Variants in ATRNL1 observed in about 807,000 individuals in gnomAD.
ATRNL1 encodes attractin-like protein 1.
In ATRNL1, 95 loss-of-function variants were observed where a neutral mutation model predicts 182.7. The ratio of observed to expected loss-of-function variants is 0.52; its 90% CI spans 0.44 to 0.62. The LOEUF is 0.62. Ranked by LOEUF, ATRNL1 falls within the 20% of genes least tolerant of loss-of-function variation. The pLI is 0.00. For synonymous variants in ATRNL1, 576 were observed against 568.3 expected (o/e 1.01, Z -0.19); for missense variants, 1,471 against 1,679.5 (o/e 0.88, Z 2.17).
chr10:115,202,782 G>C (rs1848637312), intron 8 of ATRNL1, among the ~76,000 whole-genome samples: 1 of 146,576 alleles, frequency 6.8e-6, no homozygotes, highest in Admixed American at 6.9e-5. Flanking sequence ...TTTTTCTATT[G>C]ATTGGAATAG....
chr10:115,840,171 A>C (rs1253273097), intron 27 of ATRNL1, among the ~76,000 whole-genome samples: 3 of 152,178 alleles, frequency 2.0e-5, no homozygotes, highest in Non-Finnish European at 4.4e-5. Flanking sequence ...AAGAACAGGC[A>C]GGCTTTCCGG....
chr10:115,217,579 G>A (rs1322254576), intron 9 of ATRNL1, among the ~76,000 whole-genome samples: 1 of 152,126 alleles, frequency 6.6e-6, no homozygotes, highest in Non-Finnish European at 1.5e-5. Flanking sequence ...AGATTCAGTT[G>A]TTGCTCACTA....
intron 18 of ATRNL1, among the ~76,000 whole-genome samples, chr10:115,334,030 T>G (rs138794069): frequency 2.7e-4 from 41 of 152,318 alleles, no homozygotes; most frequent in African/African-American, 8.7e-4. Context: ...AGCTATAACT[T>G]TTATGTTCCA....
intron 17 of ATRNL1, among the ~76,000 whole-genome samples, chr10:115,309,423 A>G (rs1853905506): frequency 1.3e-5 from 2 of 151,972 alleles, no homozygotes; most frequent in African/African-American, 4.8e-5. Flanking sequence ...ATGTGTTTCC[A>G]TTTGTTTTTG....
At chr10:115,353,411 A>G (rs1294960945) in intron 19 of ATRNL1, among the ~76,000 whole-genome samples, 2 of 152,036 alleles carry the variant, frequency 1.3e-5, no homozygotes, top group African/African-American at 4.8e-5. Flanking sequence ...TTCCATTTGC[A>G]TGGAATATTT....
At chr10:115,906,454 T>A (rs1190795427) in intron 28 of ATRNL1, among the ~76,000 whole-genome samples, 2 of 152,136 alleles carry the variant, frequency 1.3e-5, no homozygotes, top group Non-Finnish European at 2.9e-5. Context: ...TAAAAGGCCC[T>A]GGCACAGAGC....
chr10:115,928,298 G>A (rs1678725888), intron 28 of ATRNL1, among the ~76,000 whole-genome samples: 1 of 151,972 alleles, frequency 6.6e-6, no homozygotes, highest in Admixed American at 6.6e-5. Flanking sequence ...GCAAATTAAA[G>A]CTGTGCAAAC....
intron 21 of ATRNL1, among the ~76,000 whole-genome samples, chr10:115,432,817 GT>G (rs782284292): frequency 7.2e-4 from 109 of 151,124 alleles, no homozygotes; most frequent in East Asian, 2.9e-3. Flanking sequence ...AAGTAGTATA[GT>G]TTTTTTTTCT....
At chr10:115,348,456 G>A (rs1363993681) in intron 19 of ATRNL1, among the ~76,000 whole-genome samples, 1 of 152,010 alleles carries the variant, frequency 6.6e-6, no homozygotes, top group Non-Finnish European at 1.5e-5. Flanking sequence ...ACATCAATAA[G>A]TTTAGTATTT....
At chr10:115,503,680 T>A (rs1476936500) in intron 24 of ATRNL1, among the ~76,000 whole-genome samples, 1 of 147,242 alleles carries the variant, frequency 6.8e-6, no homozygotes, top group Non-Finnish European at 1.5e-5. Flanking sequence ...AACTTTATTA[T>A]GTAAAAGTTT....
intron 26 of ATRNL1, among the ~76,000 whole-genome samples, chr10:115,672,967 G>A (rs74158240): frequency 0.012 from 1,836 of 152,094 alleles, 37 homozygotes; most frequent in African/African-American, 0.042. Context: ...GCCAAATCCT[G>A]CCACACCTCC....
At chr10:115,125,041 A>G (rs1388662807) in intron 3 of ATRNL1, among the ~76,000 whole-genome samples, 2 of 152,208 alleles carry the variant, frequency 1.3e-5, no homozygotes, top group Non-Finnish European at 2.9e-5. Flanking sequence ...AGAGAAAAGC[A>G]TATATACAAA....
At chr10:115,166,541 C>G (rs1033879564) in intron 7 of ATRNL1, among the ~76,000 whole-genome samples, 1 of 151,834 alleles carries the variant, frequency 6.6e-6, no homozygotes, top group Non-Finnish European at 1.5e-5. Context: ...CACAAGGGTT[C>G]CAGTTTGTCC....
intron 18 of ATRNL1, among the ~76,000 whole-genome samples, chr10:115,318,517 C>G (rs941875668): frequency 6.6e-6 from 1 of 152,054 alleles, no homozygotes; most frequent in Non-Finnish European, 1.5e-5. Context: ...CTGTCTGGTC[C>G]TGGGCTTTTT....
At chr10:115,780,516 C>T (rs1249210825) in intron 27 of ATRNL1, among the ~76,000 whole-genome samples, 1 of 152,096 alleles carries the variant, frequency 6.6e-6, no homozygotes, top group Non-Finnish European at 1.5e-5. Context: ...TCCCCAAACC[C>T]CAGGCTGAAG....
chr10:115,920,354 A>G (rs1589696117), intron 28 of ATRNL1, among the ~76,000 whole-genome samples: 1 of 152,294 alleles, frequency 6.6e-6, no homozygotes, highest in East Asian at 1.9e-4. Context: ...CTCTGTCATC[A>G]TTGCTGCTAC....
intron 5 of ATRNL1, among the ~76,000 whole-genome samples, chr10:115,139,829 T>C (rs1845685986): frequency 6.6e-6 from 1 of 152,196 alleles, no homozygotes; most frequent in South Asian, 2.1e-4. Flanking sequence ...TAGAGAGAAA[T>C]AAGCTTTTCC....
At chr10:115,727,634 A>T (rs1011722459) in intron 27 of ATRNL1, among the ~76,000 whole-genome samples, 51 of 152,318 alleles carry the variant, frequency 3.3e-4, no homozygotes, top group African/African-American at 1.2e-3. Context: ...TTTAAGATAT[A>T]GGTATGATCG....
chr10:115,942,980 A>G (rs945659296), intron 28 of ATRNL1, among the ~76,000 whole-genome samples: 3 of 152,238 alleles, frequency 2.0e-5, no homozygotes, highest in Admixed American at 1.3e-4. Context: ...GTTCCTGTCC[A>G]TCATTGGACA....
Sources: gnomAD v4.1 joint callset for allele counts (sites outside exome capture counted in the v4.1 genomes callset) on GRCh38, gnomAD v4.1.1 for gene constraint, MANE v1.5 for transcripts, NCBI Gene and HGNC (gene_info 2026-07-23, HGNC 2026-07-21) for gene names.